BRINP3: variants seen among roughly 807,000 people sequenced by gnomAD.
The protein encoded by BRINP3 is BMP/retinoic acid inducible neural specific 3.
A neutral mutation model predicts 71.0 loss-of-function variants in BRINP3; 19 were observed. The observed-to-expected ratio is 0.27, with a 90% CI of 0.19 to 0.39. The LOEUF (loss-of-function observed/expected upper bound fraction) is 0.39. Among genes scored for constraint, BRINP3 ranks in the 10% least tolerant of loss-of-function variants. BRINP3 has a pLI of 1.00. For synonymous variants in BRINP3, 380 were observed against 337.7 expected (o/e 1.13, Z -1.37); for missense variants, 959 against 940.8 (o/e 1.02, Z -0.25).
At chr1:190,399,669 A>G (rs1330757589) in intron 2 of BRINP3, among the ~76,000 whole-genome samples, 1 of 152,028 alleles carries the variant, frequency 6.6e-6, no homozygotes, top group African/African-American at 2.4e-5. Context: ...ACTAGCATAC[A>G]GACTATCTTT....
intron 2 of BRINP3, among the ~76,000 whole-genome samples, chr1:190,315,142 A>C (rs1665796331): frequency 6.6e-6 from 1 of 152,166 alleles, no homozygotes; most frequent in Non-Finnish European, 1.5e-5. Flanking sequence ...ACTTTGATAA[A>C]ATTAAAAACA....
At chr1:190,234,552 A>G (rs574785801) in intron 4 of BRINP3, 75 bp from the exon 5 acceptor site, 1 of 1,073,696 alleles carries the variant, frequency 9.3e-7, no homozygotes. Flanking sequence ...TAGTTGTCAC[A>G]CACTAATATT....
At position 190,264,056 on chromosome 1, in the gene BRINP3, G is replaced by C. The variant is rs991081935; in HGVS notation, c.618+809C>G. Among the ~76,000 whole-genome samples, 4 of 152,196 alleles carry C rather than the reference G, an allele frequency of 2.6e-5. No homozygotes were observed. The South Asian group carries it at 6.2e-4, about 24-fold the overall frequency. On this transcript the variant is annotated intron_variant, in intron 4 of 7. Coordinates refer to ENST00000367462, the MANE Select transcript of BRINP3 (RefSeq NM_199051.3). ...ATTTTGTTATGGTTAACTTAGGCTA[G>C]GATCATACTCTTCTGACTGTTAATT...
chr1:190,114,867 C>G (rs951320435), intron 7 of BRINP3, among the ~76,000 whole-genome samples: 5 of 152,192 alleles, frequency 3.3e-5, no homozygotes, highest in Non-Finnish European at 4.4e-5. Flanking sequence ...ATTTCTGGAA[C>G]CCCATTGCTC....
At chr1:190,466,748 T>C (rs1275961281) in intron 1 of BRINP3, among the ~76,000 whole-genome samples, 1 of 151,626 alleles carries the variant, frequency 6.6e-6, no homozygotes, top group Non-Finnish European at 1.5e-5. Context: ...CTCTGTTTTA[T>C]ACACTAATAT....
intron 2 of BRINP3, among the ~76,000 whole-genome samples, chr1:190,426,720 A>G (rs1572018994): frequency 6.6e-6 from 1 of 151,882 alleles, no homozygotes; most frequent in East Asian, 1.9e-4. Flanking sequence ...TTGTTTCCTC[A>G]TAGTTTTCAT....
At chr1:190,351,478 G>A (rs893376959) in intron 2 of BRINP3, among the ~76,000 whole-genome samples, 1 of 152,080 alleles carries the variant, frequency 6.6e-6, no homozygotes, top group Non-Finnish European at 1.5e-5. Flanking sequence ...AAATCTGGAA[G>A]AGAGGTACCC....
intron 7 of BRINP3, among the ~76,000 whole-genome samples, chr1:190,148,596 A>AAAATAAATAAAT (rs71123073): frequency 2.1e-4 from 28 of 134,938 alleles, no homozygotes; most frequent in South Asian, 5.0e-4. Context: ...ACTCTGTCAC[A>AAAATAAATAAAT]AAATAAATAA....
intron 6 of BRINP3, among the ~76,000 whole-genome samples, chr1:190,180,606 A>T (rs189132522): frequency 3.3e-5 from 5 of 152,232 alleles, no homozygotes; most frequent in Admixed American, 1.3e-4. Flanking sequence ...TAGCCACCTA[A>T]GAAGGTTTGT....
rs1454617157 is a variant in BRINP3 at position 190,261,123 on chromosome 1, T to G, written c.618+3742A>C. 3.9e-5 allele frequency among the ~76,000 whole-genome samples: 6 copies of G among 152,082 alleles called. No homozygotes were observed. In the East Asian group the frequency reaches 1.2e-3, roughly 29 times the overall value. On this transcript the variant is annotated intron_variant, in intron 4 of 7. Transcript: ENST00000367462. The stretch of plus-strand genomic sequence containing the variant: ...TTGAAAATATGTGTGACATAATATG[T>G]CAGGTGATAGATTAAATATCTTTTC...
chr1:190,122,934 T>C (rs1015075611), intron 7 of BRINP3, among the ~76,000 whole-genome samples: 1 of 152,120 alleles, frequency 6.6e-6, no homozygotes, highest in East Asian at 1.9e-4. Context: ...TGTCCCTCAA[T>C]AGCAGACAGT....
intron 6 of BRINP3, among the ~76,000 whole-genome samples, chr1:190,219,196 G>C (rs111442455): frequency 6.6e-6 from 1 of 152,012 alleles, no homozygotes; most frequent in African/African-American, 2.4e-5. Flanking sequence ...GCAATTCACA[G>C]ACATTTACCC....
chr1:190,196,141 A>C (rs1293313367), intron 6 of BRINP3, among the ~76,000 whole-genome samples: 4 of 152,158 alleles, frequency 2.6e-5, no homozygotes, highest in East Asian at 1.9e-4. Flanking sequence ...CATTGCCATC[A>C]ATCACTAATA....
chr1:190,445,592 CA>C (rs1424903897), intron 2 of BRINP3, among the ~76,000 whole-genome samples: 6 of 151,818 alleles, frequency 4.0e-5, no homozygotes, highest in African/African-American at 9.7e-5. Context: ...CACACACACA[CA>C]CACCCTCAAG....
intron 3 of BRINP3, among the ~76,000 whole-genome samples, chr1:190,270,833 T>C (rs1203403585): frequency 6.6e-6 from 1 of 151,642 alleles, no homozygotes; most frequent in Non-Finnish European, 1.5e-5. Flanking sequence ...ACTTGGAAAA[T>C]GCATTAAAAT....
At chr1:190,261,319 T>C (rs939009583) in intron 4 of BRINP3, among the ~76,000 whole-genome samples, 6 of 152,108 alleles carry the variant, frequency 3.9e-5, no homozygotes, top group Non-Finnish European at 8.8e-5. Flanking sequence ...ACACTTCACA[T>C]TTTATTGGAC....
intron 4 of BRINP3, among the ~76,000 whole-genome samples, chr1:190,257,174 T>G (rs567285382): frequency 6.6e-6 from 1 of 152,332 alleles, no homozygotes; most frequent in South Asian, 2.1e-4. Flanking sequence ...TCTTGGAGGC[T>G]TTGTCCGTTT....
chr1:190,156,851 T>C (rs1301542541), intron 7 of BRINP3, among the ~76,000 whole-genome samples: 4 of 152,064 alleles, frequency 2.6e-5, no homozygotes, highest in South Asian at 2.1e-4. Context: ...TTATTCTACT[T>C]ATTTGTGTTG....
chr1:190,213,287 C>A (rs565586826), intron 6 of BRINP3, among the ~76,000 whole-genome samples: 2 of 152,048 alleles, frequency 1.3e-5, no homozygotes, highest in Admixed American at 1.3e-4. Context: ...AGCCCCCATC[C>A]TGTAGTGAGA....
Sources: allele counts gnomAD v4.1 joint callset (sites outside exome capture counted in the v4.1 genomes callset), GRCh38; gene constraint gnomAD v4.1.1; transcripts MANE v1.5; gene names NCBI Gene and HGNC (gene_info 2026-07-23, HGNC 2026-07-21).